The following ERVV-2 variants were observed in gnomAD, a reference collection of about 807,000 sequenced individuals.
The protein encoded by ERVV-2 is endogenous retrovirus group V member 2, envelope.
For synonymous variants in ERVV-2, 105 were observed against 184.6 expected, an observed-to-expected ratio of 0.57 and a Z score of 3.49; for missense variants, 291 against 495.1, an observed-to-expected ratio of 0.59 and a Z score of 3.91.
chr19:53,050,070 A>AACCT lies in ERVV-2; in HGVS notation c.821_824dup (p.Ser276LeufsTer14), dbSNP rs1299518856. On this transcript the variant is annotated frameshift_variant, in exon 2 of 2. Coordinates refer to ENST00000601417, the MANE Select transcript of ERVV-2 (RefSeq NM_001191055.2). LOFTEE classifies it low-confidence loss of function (END_TRUNC). ...TGCCCTTTGATGGAAGTCCTAAGAT[A>AACCT]ACCTATTCAACCCCCCCTGTGGCAA... 6.8e-7 allele frequency: 1 copy of AACCT among 1,468,854 alleles called. No individual in the cohort carries two copies. The highest frequency in any genetic ancestry group is 2.1e-5 in the Admixed American group (1 of 47,382). The allele number at this position is 1,468,854 out of a possible 1,614,324, so 91.0% of individuals were successfully genotyped here. A position where few individuals can be genotyped will look rare whatever the true frequency, so the allele number is the denominator to read the frequency against.
At chr19:53,046,532 A>G (rs1457690725) in intron 1 of ERVV-2, among the ~76,000 whole-genome samples, 1 of 152,170 alleles carries the variant, frequency 6.6e-6, no homozygotes, top group African/African-American at 2.4e-5. Flanking sequence ...GAATAAGCTG[A>G]TAGAAAATGC....
chr19:53,045,448 G>T (rs953632661), intron 1 of ERVV-2, among the ~76,000 whole-genome samples: 1 of 152,070 alleles, frequency 6.6e-6, no homozygotes, highest in African/African-American at 2.4e-5. Context: ...GACTACAGGC[G>T]TGTGCCACCA....
chr19:53,050,799 C>T lies in ERVV-2; in HGVS notation c.1548C>T (p.Ile516=). 1 of 1,535,868 alleles carries T rather than the reference C, an allele frequency of 6.5e-7. No individual in the cohort carries two copies. The change falls in exon 2 of 2, where the codon ATC becomes ATT. Residue 516 remains isoleucine, a synonymous_variant. Coordinates refer to ENST00000601417, the MANE Select transcript of ERVV-2 (RefSeq NM_001191055.2). ...GAGGCCCCAGCACCTATAAGCACAT[C>T]TCCCCCTTGGATGCCAGTGGGCAAA... is the stretch of plus-strand genomic sequence containing the variant. ...VIGGPSTYKH[I]SPLDASGQRF...
Position 53,048,904 on chromosome 19 carries a change from G to C in ERVV-2, c.-348G>C. ...CTGGCATCTCCAGTTGGATACATCA[G>C]TCTCAAGTGAAACTGTGGGAAGGTC... On this transcript the variant is annotated 5_prime_UTR_variant, in exon 2 of 2. Coordinates refer to ENST00000601417, the MANE Select transcript of ERVV-2 (RefSeq NM_001191055.2). 2.2e-6 allele frequency: 1 copy of C among 452,740 alleles called. No homozygotes were observed. Among genetic ancestry groups the C allele is most frequent in the South Asian group, 2.3e-5 (1 of 43,354 alleles). 28.0% of individuals were successfully genotyped at this position (452,740 alleles called of 1,614,324 possible). A position where few individuals can be genotyped will look rare whatever the true frequency, so the allele number is the denominator to read the frequency against.
Position 53,051,250 on chromosome 19 carries a change from G to C in ERVV-2, c.*391G>C, listed in dbSNP as rs751563351. 2.7e-4 allele frequency among the ~76,000 whole-genome samples: 38 copies of C among 139,406 alleles called. No individual in the cohort carries two copies. Among genetic ancestry groups the C allele is most frequent in the Non-Finnish European group, 5.3e-4 (35 of 66,058 alleles). The allele number at this position is 139,406 out of a possible 152,430, so 91.5% of individuals were successfully genotyped here. A position where few individuals can be genotyped will look rare whatever the true frequency, so the allele number is the denominator to read the frequency against. On this transcript the variant is annotated 3_prime_UTR_variant, in exon 2 of 2. Transcript: ENST00000601417. ...CACCCTCCACCTCCCAGGTTCAATT[G>C]ATTCTCCTGTTTCAGCCTCCTCAGT... is the stretch of plus-strand genomic sequence containing the variant.
intron 1 of ERVV-2, among the ~76,000 whole-genome samples, chr19:53,046,592 C>A (rs991873629): frequency 2.6e-5 from 4 of 152,178 alleles, no homozygotes; most frequent in African/African-American, 9.7e-5. Flanking sequence ...GACTAAAAAA[C>A]CAGAATCAAC....
rs116739604 is a variant in ERVV-2 at position 53,051,668 on chromosome 19, C to G, written c.*809C>G. On this transcript the variant is annotated 3_prime_UTR_variant, in exon 2 of 2. Coordinates refer to ENST00000601417, the MANE Select transcript of ERVV-2 (RefSeq NM_001191055.2). Reference sequence around the variant, plus strand: ...GTCCTCTCTTTTTAAATAAAGCTTACTTAACCCTTTAACTCTTTCTGTGTG... The same window carrying G: ...GTCCTCTCTTTTTAAATAAAGCTTAGTTAACCCTTTAACTCTTTCTGTGTG... Among the ~76,000 whole-genome samples, 319 of 152,236 alleles carry G rather than the reference C, an allele frequency of 2.1e-3. 2 individuals carry two copies. The highest frequency in any genetic ancestry group is 7.5e-3 in the African/African-American group (310 of 41,528).
intron 1 of ERVV-2, among the ~76,000 whole-genome samples, chr19:53,046,400 C>CGT (rs2083891222): frequency 6.6e-6 from 1 of 152,194 alleles, no homozygotes; most frequent in Non-Finnish European, 1.5e-5. Context: ...TGACCACTTC[C>CGT]TTACTCCCTA....
chr19:53,050,979 G>A lies in ERVV-2; in HGVS notation c.*120G>A. 1 of 1,007,820 alleles carries A rather than the reference G, an allele frequency of 9.9e-7. No homozygotes were observed. The highest frequency in any genetic ancestry group is 1.4e-6 in the Non-Finnish European group (1 of 713,422). 62.4% of individuals were successfully genotyped at this position (1,007,820 alleles called of 1,614,324 possible). ...TTTCAGGGTCTCCATCTCTTGAGGA[G>A]GGAAATATTAGGGTAGGCAGGTAGG... On this transcript the variant is annotated 3_prime_UTR_variant, in exon 2 of 2. Coordinates refer to ENST00000601417, the MANE Select transcript of ERVV-2 (RefSeq NM_001191055.2).
chr19:53,047,523 G>T (rs1329318267), intron 1 of ERVV-2, among the ~76,000 whole-genome samples: 1 of 152,122 alleles, frequency 6.6e-6, no homozygotes, highest in Non-Finnish European at 1.5e-5. Flanking sequence ...CATCACTGCT[G>T]GGCATCAATC....
intron 1 of ERVV-2, among the ~76,000 whole-genome samples, chr19:53,046,732 A>G (rs2083892510): frequency 6.6e-6 from 1 of 152,196 alleles, no homozygotes; most frequent in Admixed American, 6.5e-5. Context: ...TGTAATCATT[A>G]GTATTAGCCC....
rs2083911703 is a variant in ERVV-2, at chr19:53,051,039, G to C, written c.*180G>C. ...GCAGGCAAGAGAGCCCTTGGGAAAG[G>C]AATCTTTAGAAACGCAGCCCACTGA... On this transcript the variant is annotated 3_prime_UTR_variant, in exon 2 of 2. Transcript: ENST00000601417. 1.7e-6 allele frequency: 1 copy of C among 574,886 alleles called. No individual in the cohort carries two copies. The highest frequency in any genetic ancestry group is 2.9e-6 in the Non-Finnish European group (1 of 339,170). The allele number at this position is 574,886 out of a possible 1,614,324, so 35.6% of individuals were successfully genotyped here.
chr19:53,048,333 C>G (rs1221017585), intron 1 of ERVV-2, among the ~76,000 whole-genome samples: 1 of 151,962 alleles, frequency 6.6e-6, no homozygotes, highest in Non-Finnish European at 1.5e-5. Context: ...TGAGATCGCA[C>G]CATTGCACTC....
Position 53,050,086 on chromosome 19 carries a change from C to A in ERVV-2, c.835C>A (p.Pro279Thr), listed in dbSNP as rs200390313. 2.9e-4 allele frequency: 430 copies of A among 1,458,140 alleles called. 43 individuals carry two copies. The highest frequency in any genetic ancestry group is 5.3e-4 in the Middle Eastern group (3 of 5,680). The allele number at this position is 1,458,140 out of a possible 1,614,324, so 90.3% of individuals were successfully genotyped here. Reference sequence around the variant, plus strand: ...TCCTAAGATAACCTATTCAACCCCCCCTGTGGCAAACCTCTACACTTGCAT... The same window carrying A: ...TCCTAAGATAACCTATTCAACCCCCACTGTGGCAAACCTCTACACTTGCAT... ...GSPKITYSTPPVANLYTCINN... is the reference protein window; with the variant it reads ...GSPKITYSTPTVANLYTCINN... The change falls in exon 2 of 2, where the codon CCT (proline) becomes ACT (threonine). Residue 279 changes from proline to threonine, a missense_variant. Coordinates refer to ENST00000601417, the MANE Select transcript of ERVV-2 (RefSeq NM_001191055.2).
At chr19:53,047,936 T>G (rs2145386276) in intron 1 of ERVV-2, among the ~76,000 whole-genome samples, 1 of 152,330 alleles carries the variant, frequency 6.6e-6, no homozygotes, top group African/African-American at 2.4e-5. Flanking sequence ...TGACCTTTAC[T>G]GCCAACACCA....
Position 53,050,917 on chromosome 19 carries a change from G to A in ERVV-2, c.*58G>A. On this transcript the variant is annotated 3_prime_UTR_variant, in exon 2 of 2. Coordinates refer to ENST00000601417, the MANE Select transcript of ERVV-2 (RefSeq NM_001191055.2). The stretch of plus-strand genomic sequence containing the variant: ...CTTCGCCCCATGTCAGCAGGAAGTA[G>A]TTACAGAAGACCCACGACGTCCTTA... 1 of 1,431,980 alleles carries A rather than the reference G, an allele frequency of 7.0e-7. No individual in the cohort carries two copies. Among genetic ancestry groups the A allele is most frequent in the South Asian group, 1.5e-5 (1 of 68,588 alleles). The allele number at this position is 1,431,980 out of a possible 1,614,324, so 88.7% of individuals were successfully genotyped here.
chr19:53,045,794 A>G (rs1336989617), intron 1 of ERVV-2, among the ~76,000 whole-genome samples: 1 of 152,078 alleles, frequency 6.6e-6, no homozygotes, highest in Non-Finnish European at 1.5e-5. Context: ...AGCCTCTTGC[A>G]GGGCCTGTTT....
rs1360095753 is a variant in ERVV-2, at chr19:53,048,940, A to C, written c.-312A>C. On this transcript the variant is annotated 5_prime_UTR_variant, in exon 2 of 2. Transcript: ENST00000601417. ...AACTGTGGGAAGGTCCCGAAGAACC[A>C]CAGAAGAACAACAGAATTCAGCACC... 2.5e-5 allele frequency: 13 copies of C among 527,950 alleles called. No homozygotes were observed. The highest frequency in any genetic ancestry group is 3.7e-5 in the Non-Finnish European group (11 of 297,268). The allele number at this position is 527,950 out of a possible 1,614,324, so 32.7% of individuals were successfully genotyped here.
intron 1 of ERVV-2, among the ~76,000 whole-genome samples, chr19:53,047,015 C>T (rs188248284): frequency 2.6e-3 from 395 of 152,138 alleles, no homozygotes; most frequent in Middle Eastern, 0.01. Flanking sequence ...AAAAATTAGC[C>T]GGGCCTGGTG....
Sources: allele counts gnomAD v4.1 joint callset (sites outside exome capture counted in the v4.1 genomes callset), GRCh38; gene constraint gnomAD v4.1.1; transcripts MANE v1.5; gene names NCBI Gene and HGNC (gene_info 2026-07-23, HGNC 2026-07-21).